Variants in CHD6 observed in about 807,000 individuals in gnomAD.
The protein encoded by CHD6 is chromodomain helicase DNA binding protein 6.
Under a neutral mutation model 276.9 loss-of-function variants are expected in CHD6, and 50 were observed. The observed-to-expected ratio is 0.18, with a 90% CI of 0.14 to 0.23. The LOEUF is 0.23. Among genes scored for constraint, CHD6 ranks in the 10% least tolerant of loss-of-function variants. The pLI, the probability that CHD6 is intolerant of heterozygous loss-of-function variation, is 1.00. For synonymous variants in CHD6, 1,173 were observed against 1,229.3 expected (o/e 0.95, Z 0.96); for missense variants, 2,564 against 3,365.8 (o/e 0.76, Z 5.89).
chr20:41,466,730 G>A (rs2042928722), intron 17 of CHD6, among the ~76,000 whole-genome samples: 4 of 152,178 alleles, frequency 2.6e-5, no homozygotes, highest in Admixed American at 1.3e-4. Flanking sequence ...ATCTGATGGA[G>A]GAGCCCTGCA....
At chr20:41,506,024 A>G (rs948497869) in intron 5 of CHD6, among the ~76,000 whole-genome samples, 3 of 152,094 alleles carry the variant, frequency 2.0e-5, no homozygotes, top group Non-Finnish European at 2.9e-5. Flanking sequence ...TCCATACACC[A>G]TATCTGACTG....
chr20:41,415,114 G>A (rs567703485), intron 34 of CHD6, 72 bp downstream of exon 34: 44 of 1,499,424 alleles, frequency 2.9e-5, no homozygotes, highest in African/African-American at 1.3e-4. Flanking sequence ...ATTATTTTGC[G>A]TCTGAGGAAG....
rs141911417 is a variant in CHD6, at chr20:41,469,475, G to T, written c.2664+3847C>A. 3.0e-3 allele frequency among the ~76,000 whole-genome samples: 464 copies of T among 152,250 alleles called. 3 individuals carry two copies. The highest frequency in any genetic ancestry group is 5.3e-3 in the Non-Finnish European group (363 of 68,008). On this transcript the variant is annotated intron_variant, in intron 17 of 36. Coordinates refer to ENST00000373233, the MANE Select transcript of CHD6 (RefSeq NM_032221.5). Reference sequence around the variant, plus strand: ...CCAAGAGGTCTGCCTTTGCCTTCAGGGGTAGCAGCAACAGTGGCCTACTCC... The same window carrying T: ...CCAAGAGGTCTGCCTTTGCCTTCAGTGGTAGCAGCAACAGTGGCCTACTCC...
At chr20:41,573,246 G>A (rs2146212177) in intron 1 of CHD6, among the ~76,000 whole-genome samples, 1 of 152,270 alleles carries the variant, frequency 6.6e-6, no homozygotes, top group South Asian at 2.1e-4. Context: ...AACAGATTAA[G>A]GACATTTCAC....
At chr20:41,429,821 C>G (rs985250760) in intron 27 of CHD6, among the ~76,000 whole-genome samples, 2 of 152,122 alleles carry the variant, frequency 1.3e-5, no homozygotes, top group Non-Finnish European at 2.9e-5. Flanking sequence ...CCCATGAACT[C>G]CCCCCTGACA....
intron 1 of CHD6, among the ~76,000 whole-genome samples, chr20:41,562,838 AGTGG>A (rs200188101): frequency 0.13 from 19,555 of 152,262 alleles, 1,497 homozygotes; most frequent in East Asian, 0.17. Flanking sequence ...ACTTATCAAT[AGTGG>A]GTCAAAAGAG....
At chr20:41,451,580 G>C (rs576981348) in intron 22 of CHD6, among the ~76,000 whole-genome samples, 4 of 152,216 alleles carry the variant, frequency 2.6e-5, no homozygotes, top group African/African-American at 4.8e-5. Context: ...TGAGACTCAG[G>C]TTAGTGGGCA....
Position 41,547,442 on chromosome 20 carries a change from C to T in CHD6, c.33+3863G>A, listed in dbSNP as rs114177170. On this transcript the variant is annotated intron_variant, in intron 2 of 36. Transcript: ENST00000373233. ...CCACCATGCTGCTGAAGTTTGACCC[C>T]AATGAGATTAGAGTCGTATACCTGA... 1,449 of 265,878 alleles carry T rather than the reference C, an allele frequency of 5.4e-3. 21 individuals carry two copies. The highest frequency in any genetic ancestry group is 0.027 in the African/African-American group (1,219 of 44,852). The allele number at this position is 265,878 out of a possible 1,614,324, so 16.5% of individuals were successfully genotyped here.
intron 16 of CHD6, among the ~76,000 whole-genome samples, chr20:41,477,197 C>T (rs901242224): frequency 5.3e-5 from 8 of 152,022 alleles, no homozygotes; most frequent in Admixed American, 2.0e-4. Flanking sequence ...GCTATGATCA[C>T]GCCACTGCCC....
At chr20:41,544,970 C>T (rs1344837337) in intron 2 of CHD6, among the ~76,000 whole-genome samples, 1 of 152,054 alleles carries the variant, frequency 6.6e-6, no homozygotes, top group African/African-American at 2.4e-5. Context: ...CCATCTCATG[C>T]TTTCTAACAT....
intron 1 of CHD6, among the ~76,000 whole-genome samples, chr20:41,606,371 A>G (rs1249432989): frequency 5.9e-5 from 9 of 152,070 alleles, no homozygotes; most frequent in African/African-American, 1.7e-4. Flanking sequence ...AAAATTAGCC[A>G]GGCGTGGTGG....
chr20:41,529,040 A>G (rs1388595237), intron 3 of CHD6, among the ~76,000 whole-genome samples: 3 of 152,244 alleles, frequency 2.0e-5, no homozygotes, highest in Non-Finnish European at 4.4e-5. Flanking sequence ...AGCAAAACAT[A>G]AAAGACACAC....
At chr20:41,543,550 C>A in intron 2 of CHD6, among the ~76,000 whole-genome samples, 1 of 152,182 alleles carries the variant, frequency 6.6e-6, no homozygotes, top group East Asian at 1.9e-4. Flanking sequence ...TTCTCCAGAT[C>A]AGATGAGAAA....
At chr20:41,493,982 C>A in intron 8 of CHD6, 38 bp from the exon 9 acceptor site, 1 of 1,512,452 alleles carries the variant, frequency 6.6e-7, no homozygotes, top group South Asian at 1.1e-5. Context: ...GAAGTATGTC[C>A]CCTTGCCTCA....
chr20:41,498,811 A>ATGTGTG (rs71193638), intron 6 of CHD6, among the ~76,000 whole-genome samples: 324 of 86,592 alleles, frequency 3.7e-3, no homozygotes, highest in South Asian at 6.0e-3. Flanking sequence ...GTATGTATGT[A>ATGTGTG]TGTGTGTGTG....
intron 6 of CHD6, 84 bp from the exon 7 acceptor site, chr20:41,498,310 C>T: frequency 1.1e-6 from 1 of 910,534 alleles, no homozygotes; most frequent in South Asian, 1.5e-5. Flanking sequence ...TAATCAATAT[C>T]TCTGCCTGAT....
intron 1 of CHD6, among the ~76,000 whole-genome samples, chr20:41,557,603 C>A (rs1048974958): frequency 1.3e-5 from 2 of 152,166 alleles, no homozygotes; most frequent in African/African-American, 4.8e-5. Flanking sequence ...CTCTGCCATA[C>A]TAACAATCCC....
chr20:41,567,866 G>A (rs1487966119), intron 1 of CHD6, among the ~76,000 whole-genome samples: 1 of 152,162 alleles, frequency 6.6e-6, no homozygotes, highest in Non-Finnish European at 1.5e-5. Flanking sequence ...ACACAAGGCT[G>A]CTATGAGGCG....
chr20:41,507,514 T>C (rs1568655992), intron 5 of CHD6, among the ~76,000 whole-genome samples: 2 of 152,192 alleles, frequency 1.3e-5, no homozygotes, highest in Admixed American at 6.5e-5. Flanking sequence ...GGGAGCAGCC[T>C]TTCTGAAATA....
Sources: gnomAD v4.1 joint callset for allele counts (sites outside exome capture counted in the v4.1 genomes callset) on GRCh38, gnomAD v4.1.1 for gene constraint, MANE v1.5 for transcripts, NCBI Gene and HGNC (gene_info 2026-07-23, HGNC 2026-07-21) for gene names.